DDX10: variants seen among roughly 807,000 people sequenced by gnomAD.
DDX10 encodes the protein DEAD-box helicase 10, also known as probable ATP-dependent RNA helicase DDX10.
A neutral mutation model predicts 104.3 loss-of-function variants in DDX10; 74 were observed. That is an observed-to-expected ratio of 0.71 (90% confidence interval 0.59 to 0.86). The LOEUF (loss-of-function observed/expected upper bound fraction) is 0.86, where lower values mean the gene tolerates loss of function less well. Ranked by LOEUF, DDX10 falls within the 40% of genes least tolerant of loss-of-function variation. DDX10 has a pLI of 0.00. For synonymous variants in DDX10, 351 were observed against 353.4 expected (o/e 0.99, Z 0.08); for missense variants, 952 against 1,040.0 (o/e 0.92, Z 1.16).
intron 10 of DDX10, among the ~76,000 whole-genome samples, chr11:108,711,494 G>A (rs563823593): frequency 6.6e-6 from 1 of 152,198 alleles, no homozygotes; most frequent in East Asian, 1.9e-4. Context: ...CGCCATGCCT[G>A]GCTAATTTTT....
intron 13 of DDX10, among the ~76,000 whole-genome samples, chr11:108,778,151 A>C (rs1419950560): frequency 6.6e-6 from 1 of 152,188 alleles, no homozygotes; most frequent in African/African-American, 2.4e-5. Context: ...TGCCATCCCC[A>C]TCAAGCTCCA....
chr11:108,745,082 C>CCCTTA (rs1202267278), intron 13 of DDX10, among the ~76,000 whole-genome samples: 1 of 87,720 alleles, frequency 1.1e-5, no homozygotes, highest in African/African-American at 4.8e-5. Flanking sequence ...CCCTTCCCTT[C>CCCTTA]CTTTCCTTCT....
At chr11:108,770,353 C>T (rs1263298073) in intron 13 of DDX10, among the ~76,000 whole-genome samples, 1 of 152,044 alleles carries the variant, frequency 6.6e-6, no homozygotes, top group Non-Finnish European at 1.5e-5. Flanking sequence ...ACTATAGTCA[C>T]CCTATTATGC....
intron 9 of DDX10, among the ~76,000 whole-genome samples, chr11:108,702,390 A>G (rs2094269643): frequency 6.6e-6 from 1 of 152,210 alleles, no homozygotes; most frequent in Non-Finnish European, 1.5e-5. Context: ...AACTTGTAAC[A>G]TGGAGAACCA....
intron 4 of DDX10, 61 bp from the exon 5 acceptor site, chr11:108,678,254 T>C: frequency 6.5e-7 from 1 of 1,544,508 alleles, no homozygotes; most frequent in Non-Finnish European, 8.7e-7. Flanking sequence ...TTTTATAGCT[T>C]TGGTACACAG....
intron 13 of DDX10, among the ~76,000 whole-genome samples, chr11:108,757,819 G>C (rs969532055): frequency 1.3e-5 from 2 of 151,916 alleles, no homozygotes; most frequent in African/African-American, 4.8e-5. Context: ...ATCTCAGCTA[G>C]TTACTGCTTG....
At chr11:108,928,063 AAAGT>A (rs1325116408) in intron 17 of DDX10, among the ~76,000 whole-genome samples, 6 of 152,178 alleles carry the variant, frequency 3.9e-5, no homozygotes, top group Non-Finnish European at 7.3e-5. Flanking sequence ...CACATCATTT[AAAGT>A]ATGCTGTTTA....
chr11:108,852,052 C>T, intron 15 of DDX10, 101 bp from the exon 16 acceptor site: 1 of 882,758 alleles, frequency 1.1e-6, no homozygotes, highest in Non-Finnish European at 1.7e-6. Flanking sequence ...AAATGAATGT[C>T]ATATATTAGT....
intron 17 of DDX10, among the ~76,000 whole-genome samples, chr11:108,930,509 C>G (rs1280278372): frequency 6.6e-6 from 1 of 152,154 alleles, no homozygotes; most frequent in Non-Finnish European, 1.5e-5. Flanking sequence ...GGGTAAATAT[C>G]AAAGGGCATG....
chr11:108,724,062 G>A (rs747891292), intron 13 of DDX10, among the ~76,000 whole-genome samples: 1 of 152,034 alleles, frequency 6.6e-6, no homozygotes, highest in African/African-American at 2.4e-5. Context: ...GGATGCTTTT[G>A]TAGGTGCACA....
chr11:108,737,133 C>T (rs1387112622), intron 13 of DDX10, among the ~76,000 whole-genome samples: 1 of 152,178 alleles, frequency 6.6e-6, no homozygotes, highest in Non-Finnish European at 1.5e-5. Context: ...TCATTGACAA[C>T]ACTTTCATCC....
intron 16 of DDX10, among the ~76,000 whole-genome samples, chr11:108,873,320 A>C (rs1863107076): frequency 6.6e-6 from 1 of 152,182 alleles, no homozygotes; most frequent in Non-Finnish European, 1.5e-5. Flanking sequence ...TTTATCAAAA[A>C]TGAGTATGTT....
chr11:108,689,139 T>A, intron 7 of DDX10, 77 bp downstream of exon 7: 1 of 1,481,192 alleles, frequency 6.8e-7, no homozygotes, highest in South Asian at 1.2e-5. Flanking sequence ...AGACAAATTA[T>A]TATATTGTAC....
chr11:108,699,336 G>T (rs1210738390), intron 9 of DDX10, among the ~76,000 whole-genome samples: 2 of 152,208 alleles, frequency 1.3e-5, no homozygotes, highest in African/African-American at 4.8e-5. Context: ...CAGGTACCCA[G>T]TGTGGTTCAT....
At chr11:108,703,482 A>G (rs903660502) in intron 9 of DDX10, among the ~76,000 whole-genome samples, 1 of 152,000 alleles carries the variant, frequency 6.6e-6, no homozygotes, top group Admixed American at 6.5e-5. Flanking sequence ...GCCGTGTGCC[A>G]CCACTCCCAG....
chr11:108,860,328 G>A (rs1231567395), intron 16 of DDX10, among the ~76,000 whole-genome samples: 1 of 151,998 alleles, frequency 6.6e-6, no homozygotes, highest in Non-Finnish European at 1.5e-5. Context: ...TTTTTGTCTT[G>A]TATTTTCTTA....
intron 16 of DDX10, among the ~76,000 whole-genome samples, chr11:108,862,232 T>G (rs1862951084): frequency 1.3e-5 from 2 of 152,116 alleles, no homozygotes; most frequent in South Asian, 4.1e-4. Context: ...CTATGTTGAC[T>G]AGGCTGGTCA....
intron 13 of DDX10, among the ~76,000 whole-genome samples, chr11:108,751,376 T>C (rs910808860): frequency 1.3e-5 from 2 of 152,284 alleles, no homozygotes; most frequent in South Asian, 4.1e-4. Flanking sequence ...GATTTTGTTA[T>C]AATCAAATGA....
chr11:108,900,284 A>T (rs1214958891), intron 16 of DDX10, among the ~76,000 whole-genome samples: 4 of 152,138 alleles, frequency 2.6e-5, no homozygotes, highest in Admixed American at 6.5e-5. Context: ...CTCTTTTCTT[A>T]TAAATTACCT....
Sources: allele counts gnomAD v4.1 joint callset (sites outside exome capture counted in the v4.1 genomes callset), GRCh38; gene constraint gnomAD v4.1.1; transcripts MANE v1.5; gene names NCBI Gene and HGNC (gene_info 2026-07-23, HGNC 2026-07-21).